Variants in DIMT1 observed in about 807,000 individuals in gnomAD.
The protein encoded by DIMT1 is dimethyladenosine transferase.
In DIMT1, 36 loss-of-function variants were observed where a neutral mutation model predicts 43.2. The observed-to-expected ratio is 0.83, with a 90% CI of 0.64 to 1.10. The LOEUF is 1.10. DIMT1 is among the 50% of genes least tolerant of loss of function. The pLI is 0.00. For synonymous variants in DIMT1, 126 were observed against 130.3 expected (o/e 0.97, Z 0.22); for missense variants, 341 against 385.3 (o/e 0.88, Z 0.96).
chr5:62,394,375 T>A, intron 7 of DIMT1, 109 bp downstream of exon 7: 1 of 1,199,476 alleles, frequency 8.3e-7, no homozygotes. Context: ...CTCGAGAAGA[T>A]TGCTTGAGTA....
intron 10 of DIMT1, chr5:62,391,876 A>G: frequency 6.6e-7 from 1 of 1,525,360 alleles, no homozygotes; most frequent in Non-Finnish European, 8.8e-7. Context: ...ACATATCTAC[A>G]GCTTTGAGGA....
intron 6 of DIMT1, among the ~76,000 whole-genome samples, chr5:62,394,813 T>C (rs1405974230): frequency 2.0e-5 from 3 of 152,194 alleles, no homozygotes; most frequent in Admixed American, 6.5e-5. Context: ...CATGGCAAGA[T>C]AGCTTGCAAA....
At chr5:62,394,250 G>GAA (rs1192178637) in intron 7 of DIMT1, among the ~76,000 whole-genome samples, 1 of 152,150 alleles carries the variant, frequency 6.6e-6, no homozygotes, top group Non-Finnish European at 1.5e-5. Flanking sequence ...ATGGATCATT[G>GAA]AGCCCAGGAG....
intron 3 of DIMT1, among the ~76,000 whole-genome samples, chr5:62,399,776 C>A (rs187242259): frequency 6.9e-6 from 1 of 145,788 alleles, no homozygotes; most frequent in Non-Finnish European, 1.5e-5. Context: ...CGTGGCGGCA[C>A]GTGCCTGTAA....
At chr5:62,390,224 T>C (rs1316182621) in intron 11 of DIMT1, among the ~76,000 whole-genome samples, 3 of 152,212 alleles carry the variant, frequency 2.0e-5, no homozygotes, top group African/African-American at 4.8e-5. Flanking sequence ...AAACAGTAAG[T>C]ACAGGTTAGT....
chr5:62,391,600 A>G, intron 10 of DIMT1: 2 of 695,680 alleles, frequency 2.9e-6, no homozygotes, highest in Non-Finnish European at 3.6e-6. Flanking sequence ...ATAAAAAATA[A>G]AAAGAAAATT....
chr5:62,397,934 CCAT>C (rs1742556397), intron 6 of DIMT1, among the ~76,000 whole-genome samples: 1 of 152,146 alleles, frequency 6.6e-6, no homozygotes, highest in Non-Finnish European at 1.5e-5. Context: ...AGGTGTGACT[CCAT>C]AAACTTTTTG....
intron 11 of DIMT1, 140 bp downstream of exon 11, chr5:62,390,736 T>TA (rs1742270195): frequency 2.9e-6 from 2 of 684,158 alleles, no homozygotes; most frequent in Middle Eastern, 4.1e-4. Flanking sequence ...CTACACCAAA[T>TA]ACTATTCCAT....
intron 8 of DIMT1, among the ~76,000 whole-genome samples, chr5:62,393,257 AAAAAT>A (rs1395514652): frequency 6.6e-6 from 1 of 151,988 alleles, no homozygotes; most frequent in Admixed American, 6.6e-5. Flanking sequence ...TTTAATTTGA[AAAAAT>A]AAAGCCAGGC....
chr5:62,393,654 A>C (rs1223935730), intron 8 of DIMT1, among the ~76,000 whole-genome samples: 2 of 152,188 alleles, frequency 1.3e-5, no homozygotes, highest in Non-Finnish European at 2.9e-5. Flanking sequence ...TTAAATCTCA[A>C]AAAACAATTA....
chr5:62,393,575 C>A (rs1446553046), intron 8 of DIMT1, among the ~76,000 whole-genome samples: 3 of 152,226 alleles, frequency 2.0e-5, no homozygotes, highest in African/African-American at 7.2e-5. Context: ...GTTGACCACA[C>A]ACACAATCAC....
intron 2 of DIMT1, 29 bp from the exon 3 acceptor site, chr5:62,402,151 T>G: frequency 6.2e-7 from 1 of 1,608,682 alleles, no homozygotes; most frequent in Non-Finnish European, 8.5e-7. Context: ...ACTTTAGCTC[T>G]TCTGGCAACA....
chr5:62,402,233 A>G (rs1742733360), intron 2 of DIMT1, 111 bp from the exon 3 acceptor site: 1 of 1,030,562 alleles, frequency 9.7e-7, no homozygotes, highest in South Asian at 1.5e-5. Context: ...TCTTAATCTG[A>G]CTCCATTTTT....
chr5:62,391,989 A>T (rs1742319596), intron 10 of DIMT1, 182 bp downstream of exon 10: 1 of 1,541,760 alleles, frequency 6.5e-7, no homozygotes, highest in Non-Finnish European at 8.7e-7. Flanking sequence ...GTTTCACAGG[A>T]TACACAGCAG....
chr5:62,403,668 C>T, intron 1 of DIMT1, 26 bp downstream of exon 1: 1 of 1,596,734 alleles, frequency 6.3e-7, no homozygotes, highest in East Asian at 2.3e-5. Flanking sequence ...CCCGACCGAC[C>T]CCAGCTTCCT....
intron 2 of DIMT1, 128 bp downstream of exon 2, chr5:62,403,145 T>C: frequency 2.4e-6 from 2 of 817,064 alleles, no homozygotes; most frequent in Non-Finnish European, 3.9e-6. Flanking sequence ...CCTAGACAAT[T>C]ATTTGATTCA....
Position 62,391,789 on chromosome 5 carries a change from A to G in DIMT1, c.792+382T>C, listed in dbSNP as rs147511741. ...AGTAATAACTATATTTGTAACTGCT[A>G]TGTGAGCAAGAAACAAGACGTGGTC... On this transcript the variant is annotated intron_variant, in intron 10 of 11. Coordinates refer to ENST00000199320, the MANE Select transcript of DIMT1 (RefSeq NM_014473.4). 3,038 of 1,402,024 alleles carry G rather than the reference A, an allele frequency of 2.2e-3. 10 individuals carry two copies. The highest frequency in any genetic ancestry group is 2.6e-3 in the South Asian group (150 of 57,838). 86.8% of individuals were successfully genotyped at this position (1,402,024 alleles called of 1,614,324 possible). A position where few individuals can be genotyped will look rare whatever the true frequency, so the allele number is the denominator to read the frequency against.
chr5:62,396,139 GT>G (rs758847833), intron 6 of DIMT1, among the ~76,000 whole-genome samples: 48 of 116,650 alleles, frequency 4.1e-4, no homozygotes, highest in East Asian at 5.6e-4. Context: ...GTCACTGCAG[GT>G]TTTTTTTTTT....
At chr5:62,389,643 C>T (rs898288362) in intron 11 of DIMT1, among the ~76,000 whole-genome samples, 4 of 152,092 alleles carry the variant, frequency 2.6e-5, no homozygotes, top group African/African-American at 7.2e-5. Flanking sequence ...GGCCTAAGAA[C>T]TCACTGGCAT....
Sources: gnomAD v4.1 joint callset for allele counts (sites outside exome capture counted in the v4.1 genomes callset) on GRCh38, gnomAD v4.1.1 for gene constraint, MANE v1.5 for transcripts, NCBI Gene and HGNC (gene_info 2026-07-23, HGNC 2026-07-21) for gene names.